WWTR1: variants seen among roughly 807,000 people sequenced by gnomAD.
WWTR1 encodes the protein WW domain containing transcription regulator 1.
WWTR1 carries 13 observed loss-of-function variants against 40.1 expected under a neutral mutation model. The ratio of observed to expected loss-of-function variants is 0.32; its 90% CI spans 0.21 to 0.52. WWTR1 has a LOEUF of 0.52. Among genes scored for constraint, WWTR1 ranks in the 20% least tolerant of loss-of-function variants. The pLI is 0.97. For missense variants in WWTR1, 436 were observed against 523.1 expected (o/e 0.83, Z 1.63); for synonymous variants, 230 against 210.1 (o/e 1.09, Z -0.82).
chr3:149,565,078 C>G (rs1402422439), intron 3 of WWTR1, among the ~76,000 whole-genome samples: 1 of 151,992 alleles, frequency 6.6e-6, no homozygotes, highest in African/African-American at 2.4e-5. Context: ...ATCCCAGATA[C>G]TCGGGGGCTG....
At chr3:149,665,184 A>G (rs1414088372) in intron 2 of WWTR1, among the ~76,000 whole-genome samples, 1 of 151,732 alleles carries the variant, frequency 6.6e-6, no homozygotes, top group Non-Finnish European at 1.5e-5. Flanking sequence ...TGCTCATTGC[A>G]CCATGATCTA....
intron 3 of WWTR1, among the ~76,000 whole-genome samples, chr3:149,550,689 A>AGGTTAGAAATTGGTAACAAAATAT (rs1553790149): frequency 5.4e-5 from 8 of 148,076 alleles, no homozygotes; most frequent in South Asian, 2.1e-4. Context: ...AGAATGAGGG[A>AGGTTAGAAATTGGTAACAAAATAT]CTGCTGTTCA....
At chr3:149,723,211 A>G (rs1478527017) in intron 4 of WWTR1, among the ~76,000 whole-genome samples, 12 of 116,002 alleles carry the variant, frequency 1.0e-4, no homozygotes, top group African/African-American at 4.2e-4. Flanking sequence ...TTTTTGAGAC[A>G]GAGTTTTGCT....
At position 149,525,678 on chromosome 3, in the gene WWTR1, G is replaced by T. The variant is rs142308999; in HGVS notation, c.1018+335C>A. 1.0e-4 allele frequency: 16 copies of T among 158,504 alleles called. 1 individual carries two copies. In the East Asian group the frequency reaches 2.8e-3, roughly 28 times the overall value. 9.8% of individuals were successfully genotyped at this position (158,504 alleles called of 1,614,324 possible). A position where few individuals can be genotyped will look rare whatever the true frequency, so the allele number is the denominator to read the frequency against. ...TACTAAAACTGGAATGATTAGCATG[G>T]CCCCTGCATGAGAATGACATGTAAA... On this transcript the variant is annotated intron_variant, in intron 6 of 6. Coordinates refer to ENST00000360632, the MANE Select transcript of WWTR1 (RefSeq NM_015472.6).
chr3:149,565,928 CA>C (rs58536558), intron 3 of WWTR1, among the ~76,000 whole-genome samples: 16,210 of 73,472 alleles, frequency 0.22, 689 homozygotes, highest in Non-Finnish European at 0.26. Context: ...AACTCTGTCT[CA>C]AAAAAAAAAA....
intron 5 of WWTR1, among the ~76,000 whole-genome samples, chr3:149,713,420 G>T (rs1715524137): frequency 6.6e-6 from 1 of 151,494 alleles, no homozygotes. Flanking sequence ...TCGCTCTGTT[G>T]CCCAGGCTGG....
intron 2 of WWTR1, among the ~76,000 whole-genome samples, chr3:149,629,862 A>G (rs940373565): frequency 1.3e-5 from 2 of 152,158 alleles, no homozygotes; most frequent in Non-Finnish European, 2.9e-5. Flanking sequence ...GGGTATTATT[A>G]CTGAGACAGG....
At position 149,533,022 on chromosome 3, in the gene WWTR1, T is replaced by C. The variant is rs566894045; in HGVS notation, c.772-5053A>G. Among the ~76,000 whole-genome samples the C allele has an allele frequency of 1.4e-4, 22 of 152,276 alleles. No individual in the cohort carries two copies. In the South Asian group the frequency reaches 3.1e-3, roughly 22 times the overall value. ...ACTCAGCACCCCTTCCTTCCTCTGCTCCCTCTAGTCGAGGCAGGAAAACAA... is the reference window on the plus strand; with the variant it reads ...ACTCAGCACCCCTTCCTTCCTCTGCCCCCTCTAGTCGAGGCAGGAAAACAA... On this transcript the variant is annotated intron_variant, in intron 4 of 6. Transcript: ENST00000360632.
chr3:149,548,784 C>A (rs1736480927), intron 3 of WWTR1, among the ~76,000 whole-genome samples: 1 of 152,210 alleles, frequency 6.6e-6, no homozygotes, highest in Non-Finnish European at 1.5e-5. Flanking sequence ...CGACAACAAA[C>A]TTCTCAGTGG....
rs914764839 is a variant in WWTR1, at chr3:149,564,662, C to T, written c.568+8202G>A. Among the ~76,000 whole-genome samples the T allele has an allele frequency of 7.2e-5, 11 of 152,108 alleles. 1 individual carries two copies. The highest frequency in any genetic ancestry group is 3.2e-3 in the Middle Eastern group (1 of 316). Reference sequence around the variant, plus strand: ...TCTACAGAAGAGTACACCTATGATGCCTAATGAGCTTTGCTTGGGGCTAGA... The same window carrying T: ...TCTACAGAAGAGTACACCTATGATGTCTAATGAGCTTTGCTTGGGGCTAGA... On this transcript the variant is annotated intron_variant, in intron 3 of 6. Coordinates refer to ENST00000360632, the MANE Select transcript of WWTR1 (RefSeq NM_015472.6).
intron 3 of WWTR1, among the ~76,000 whole-genome samples, chr3:149,571,700 G>T (rs142721350): frequency 6.6e-6 from 1 of 152,164 alleles, no homozygotes; most frequent in Admixed American, 6.5e-5. Flanking sequence ...CAGGAATAAC[G>T]CTTCCATTTT....
chr3:149,603,685 T>G (rs190468308), intron 2 of WWTR1, among the ~76,000 whole-genome samples: 3 of 152,118 alleles, frequency 2.0e-5, no homozygotes, highest in Admixed American at 2.0e-4. Flanking sequence ...ATCATGACAG[T>G]GATTAAATTT....
intron 2 of WWTR1, among the ~76,000 whole-genome samples, chr3:149,646,561 A>G (rs1350398488): frequency 6.6e-6 from 1 of 152,224 alleles, no homozygotes; most frequent in East Asian, 1.9e-4. Context: ...AAGCTATATA[A>G]TCAGTTACTT....
At chr3:149,588,003 A>G (rs1346691678) in intron 2 of WWTR1, among the ~76,000 whole-genome samples, 1 of 152,228 alleles carries the variant, frequency 6.6e-6, no homozygotes, top group Non-Finnish European at 1.5e-5. Context: ...GTCCATTTGC[A>G]CAAAGCTTTT....
chr3:149,593,266 A>G (rs985457011), intron 2 of WWTR1, among the ~76,000 whole-genome samples: 7 of 152,276 alleles, frequency 4.6e-5, no homozygotes, highest in African/African-American at 1.7e-4. Context: ...TTGCACATAC[A>G]ATGTGCTGTC....
rs552433268 is a variant in WWTR1, at chr3:149,616,860, A to T, written c.431+40016T>A. Among the ~76,000 whole-genome samples the T allele has an allele frequency of 2.4e-4, 36 of 152,322 alleles. No homozygotes were observed. The South Asian group carries it at 6.4e-3, about 27-fold the overall frequency. ...TAGGACAAAGGCCATGTACTTATTCATTACTACATCCCGCAGTCCCAGCAC... is the reference window on the plus strand; with the variant it reads ...TAGGACAAAGGCCATGTACTTATTCTTTACTACATCCCGCAGTCCCAGCAC... On this transcript the variant is annotated intron_variant, in intron 2 of 6. Coordinates refer to ENST00000360632, the MANE Select transcript of WWTR1 (RefSeq NM_015472.6).
intron 1 of WWTR1, among the ~76,000 whole-genome samples, chr3:149,674,390 C>A (rs986308799): frequency 6.6e-6 from 1 of 151,888 alleles, no homozygotes. Context: ...AGTTCGAGAC[C>A]AGCCTGGCCA....
intron 2 of WWTR1, among the ~76,000 whole-genome samples, chr3:149,632,386 G>T (rs9861157): frequency 1.4e-4 from 22 of 151,898 alleles, no homozygotes; most frequent in African/African-American, 2.4e-5. Context: ...CTGAAGTTAT[G>T]TAAGCTCATT....
chr3:149,654,265 T>G (rs1018349332), intron 2 of WWTR1, among the ~76,000 whole-genome samples: 17 of 152,220 alleles, frequency 1.1e-4, no homozygotes, highest in Admixed American at 3.9e-4. Context: ...TGAAATACAC[T>G]GCCTTTTGAG....
Sources: allele counts gnomAD v4.1 joint callset (sites outside exome capture counted in the v4.1 genomes callset), GRCh38; gene constraint gnomAD v4.1.1; transcripts MANE v1.5; gene names NCBI Gene and HGNC (gene_info 2026-07-23, HGNC 2026-07-21).